Variants in ESRRG observed in about 807,000 individuals in gnomAD.
ESRRG encodes estrogen-related receptor gamma.
A neutral mutation model predicts 44.0 loss-of-function variants in ESRRG; 13 were observed. The observed-to-expected ratio is 0.30, with a 90% CI of 0.19 to 0.47. The LOEUF (loss-of-function observed/expected upper bound fraction) is 0.47, where lower values mean the gene tolerates loss of function less well. Ranked by LOEUF, ESRRG falls within the 20% of genes least tolerant of loss-of-function variation. The probability of loss-of-function intolerance (pLI) is 1.00; values close to 1 mark genes in which losing one functional copy is unlikely to be tolerated. For synonymous variants in ESRRG, 215 were observed against 214.6 expected, an observed-to-expected ratio of 1.00 and a Z score of -0.02; for missense variants, 395 against 580.6, an observed-to-expected ratio of 0.68 and a Z score of 3.29.
chr1:216,682,741 T>TGTGTGTG (rs1553496190), intron 1 of ESRRG, among the ~76,000 whole-genome samples: 2 of 151,106 alleles, frequency 1.3e-5, no homozygotes, highest in African/African-American at 2.4e-5. Context: ...TGTGTGTGTG[T>TGTGTGTG]TTTATGCTTT....
At chr1:216,679,671 C>T (rs1212759425) in intron 1 of ESRRG, among the ~76,000 whole-genome samples, 2 of 141,776 alleles carry the variant, frequency 1.4e-5, no homozygotes, top group African/African-American at 2.6e-5. Flanking sequence ...TTGCTTGGGG[C>T]TGCTTGATCT....
chr1:216,538,980 C>G (rs977282140), intron 5 of ESRRG, among the ~76,000 whole-genome samples: 2 of 151,934 alleles, frequency 1.3e-5, no homozygotes, highest in African/African-American at 4.8e-5. Flanking sequence ...TTAACAATTA[C>G]TCTAGCAAGC....
chr1:217,075,132 T>C (rs1388234991), intron 1 of ESRRG, among the ~76,000 whole-genome samples: 1 of 152,138 alleles, frequency 6.6e-6, no homozygotes, highest in Non-Finnish European at 1.5e-5. Context: ...TTGATCGGTG[T>C]TAGGTTGTAA....
intron 2 of ESRRG, among the ~76,000 whole-genome samples, chr1:216,733,197 A>C (rs757346382): frequency 2.6e-5 from 4 of 152,100 alleles, no homozygotes; most frequent in Non-Finnish European, 4.4e-5. Flanking sequence ...TGTTTTCTTC[A>C]GAATTATTCT....
chr1:217,127,901 A>G (rs560523284), intron 1 of ESRRG, among the ~76,000 whole-genome samples: 10 of 152,330 alleles, frequency 6.6e-5, no homozygotes, highest in Non-Finnish European at 1.2e-4. Context: ...ACATTTTCAC[A>G]TATGTTATTC....
intron 1 of ESRRG, among the ~76,000 whole-genome samples, chr1:216,996,140 C>A (rs2076348348): frequency 6.6e-6 from 1 of 152,134 alleles, no homozygotes; most frequent in African/African-American, 2.4e-5. Flanking sequence ...ATAAACAAAT[C>A]TGAGTGCAGA....
intron 1 of ESRRG, among the ~76,000 whole-genome samples, chr1:217,043,928 A>G (rs945955715): frequency 6.6e-6 from 1 of 152,118 alleles, no homozygotes; most frequent in Non-Finnish European, 1.5e-5. Flanking sequence ...CTCTGAAGAA[A>G]AGAAAAAAAA....
intron 3 of ESRRG, among the ~76,000 whole-genome samples, chr1:216,644,565 A>T (rs562646934): frequency 6.6e-6 from 1 of 151,848 alleles, no homozygotes; most frequent in East Asian, 1.9e-4. Context: ...AGTAGCTGAG[A>T]CTACAGGTGT....
At chr1:217,095,114 G>A (rs1251636431) in intron 1 of ESRRG, among the ~76,000 whole-genome samples, 1 of 152,110 alleles carries the variant, frequency 6.6e-6, no homozygotes, top group African/African-American at 2.4e-5. Flanking sequence ...CATGACTCCA[G>A]AAAGGTTAAG....
At chr1:216,546,240 T>C (rs2149328835) in intron 5 of ESRRG, among the ~76,000 whole-genome samples, 1 of 152,202 alleles carries the variant, frequency 6.6e-6, no homozygotes, top group East Asian at 1.9e-4. Context: ...TGAGGCAAAA[T>C]TGCCCCATGT....
intron 1 of ESRRG, among the ~76,000 whole-genome samples, chr1:217,046,335 T>C (rs1214719436): frequency 6.6e-6 from 1 of 152,160 alleles, no homozygotes; most frequent in East Asian, 1.9e-4. Flanking sequence ...ATTGACCAAA[T>C]GAATCCACCT....
At chr1:217,017,893 A>T (rs907051115) in intron 1 of ESRRG, among the ~76,000 whole-genome samples, 6 of 152,218 alleles carry the variant, frequency 3.9e-5, no homozygotes. Context: ...ACACGTTAAT[A>T]TTCCTGCAGC....
intron 5 of ESRRG, 108 bp downstream of exon 5, chr1:216,564,111 G>T (rs2059266440): frequency 3.4e-5 from 19 of 565,212 alleles, no homozygotes; most frequent in Non-Finnish European, 5.6e-5. Flanking sequence ...AATGTAAAGG[G>T]TTTTTTTAAG....
chr1:216,972,170 C>G (rs1406343518), intron 1 of ESRRG, among the ~76,000 whole-genome samples: 1 of 152,124 alleles, frequency 6.6e-6, no homozygotes, highest in African/African-American at 2.4e-5. Context: ...AACTACCAAC[C>G]TGATATGCTA....
chr1:217,130,446 G>T (rs1420404812), intron 1 of ESRRG, among the ~76,000 whole-genome samples: 2 of 152,000 alleles, frequency 1.3e-5, no homozygotes, highest in Admixed American at 6.6e-5. Context: ...ATGTTGCTCA[G>T]GCTGGTCTTG....
rs545896513 is a variant in ESRRG, at chr1:216,781,131, T to C, written c.-13-103640A>G. Among the ~76,000 whole-genome samples the C allele has an allele frequency of 4.6e-5, 7 of 152,160 alleles. No individual in the cohort carries two copies. The East Asian group carries it at 7.8e-4, about 17-fold the overall frequency. Reference sequence around the variant, plus strand: ...ACACCTGGTTTGTGACTAATAAGTATATAGAAGATGATAGTATATATTACT... The same window carrying C: ...ACACCTGGTTTGTGACTAATAAGTACATAGAAGATGATAGTATATATTACT... On this transcript the variant is annotated intron_variant, in intron 2 of 7. Transcript: ENST00000359162.
chr1:216,830,654 C>A (rs1476640257), intron 2 of ESRRG, among the ~76,000 whole-genome samples: 1 of 151,946 alleles, frequency 6.6e-6, no homozygotes, highest in Non-Finnish European at 1.5e-5. Flanking sequence ...TTTTCACCCG[C>A]TAGATTTGAG....
chr1:216,526,804 C>A (rs193240294), intron 5 of ESRRG, among the ~76,000 whole-genome samples: 1 of 152,254 alleles, frequency 6.6e-6, no homozygotes, highest in African/African-American at 2.4e-5. Flanking sequence ...CAGACAAAAT[C>A]CATGGACTGG....
intron 3 of ESRRG, among the ~76,000 whole-genome samples, chr1:216,571,812 T>C (rs1478154421): frequency 6.6e-6 from 1 of 152,194 alleles, no homozygotes; most frequent in East Asian, 1.9e-4. Flanking sequence ...GTAATTTTAT[T>C]TATATGATAG....
Sources: allele counts gnomAD v4.1 joint callset (sites outside exome capture counted in the v4.1 genomes callset), GRCh38; gene constraint gnomAD v4.1.1; transcripts MANE v1.5; gene names NCBI Gene and HGNC (gene_info 2026-07-23, HGNC 2026-07-21).